The following SMOC1 variants were observed in gnomAD, a reference collection of about 807,000 sequenced individuals.
SMOC1 encodes the protein SPARC-related modular calcium-binding protein 1.
SMOC1 carries 22 observed loss-of-function variants against 56.3 expected under a neutral mutation model. The observed-to-expected ratio is 0.39, with a 90% CI of 0.28 to 0.56. The LOEUF is 0.56. SMOC1 is among the 20% of genes least tolerant of loss of function. The pLI is 0.61. For synonymous variants in SMOC1, 193 were observed against 215.0 expected, an observed-to-expected ratio of 0.90 and a Z score of 0.89; for missense variants, 509 against 565.4, an observed-to-expected ratio of 0.90 and a Z score of 1.01.
chr14:69,990,811 A>G (rs571303873), intron 5 of SMOC1, among the ~76,000 whole-genome samples: 1 of 152,302 alleles, frequency 6.6e-6, no homozygotes, highest in East Asian at 1.9e-4. Context: ...TGATTGTCAG[A>G]TAATTCAGGA....
chr14:69,917,201 T>C (rs1352256448), intron 1 of SMOC1, among the ~76,000 whole-genome samples: 1 of 152,240 alleles, frequency 6.6e-6, no homozygotes, highest in Non-Finnish European at 1.5e-5. Flanking sequence ...CACTTTGCAA[T>C]AGCAGAATGT....
At chr14:69,905,300 G>T (rs969410992) in intron 1 of SMOC1, among the ~76,000 whole-genome samples, 4 of 151,972 alleles carry the variant, frequency 2.6e-5, no homozygotes, top group Admixed American at 2.6e-4. Flanking sequence ...CAGAGGGAAC[G>T]CATGTGCAAA....
chr14:69,951,132 A>G (rs750216159), intron 1 of SMOC1, among the ~76,000 whole-genome samples: 24 of 152,168 alleles, frequency 1.6e-4, no homozygotes, highest in Non-Finnish European at 3.1e-4. Context: ...CTTCCTCATA[A>G]TATGGTGGTC....
chr14:69,912,567 C>T (rs979960521), intron 1 of SMOC1, among the ~76,000 whole-genome samples: 5 of 152,180 alleles, frequency 3.3e-5, no homozygotes, highest in African/African-American at 1.2e-4. Context: ...CATAATTATA[C>T]ATCATTCACA....
intron 3 of SMOC1, among the ~76,000 whole-genome samples, chr14:69,954,288 T>C (rs1352184000): frequency 1.3e-5 from 2 of 152,104 alleles, no homozygotes; most frequent in African/African-American, 4.8e-5. Context: ...AAGCAATCCT[T>C]CCACCCACAC....
intron 7 of SMOC1, among the ~76,000 whole-genome samples, chr14:69,997,563 T>C (rs983759208): frequency 2.0e-5 from 3 of 152,186 alleles, no homozygotes; most frequent in African/African-American, 7.2e-5. Context: ...CCTTGCAGGA[T>C]TTCTTTGTGA....
chr14:70,027,939 A>G (rs1410998185), intron 11 of SMOC1, among the ~76,000 whole-genome samples: 1 of 152,152 alleles, frequency 6.6e-6, no homozygotes, highest in Non-Finnish European at 1.5e-5. Context: ...AATGGTGTGC[A>G]GGGGCTCCGG....
At chr14:70,003,088 C>T (rs1885026949) in intron 7 of SMOC1, among the ~76,000 whole-genome samples, 1 of 152,178 alleles carries the variant, frequency 6.6e-6, no homozygotes, top group Admixed American at 6.5e-5. Flanking sequence ...CATGTGGTTT[C>T]TTATGCCTCT....
intron 11 of SMOC1, among the ~76,000 whole-genome samples, chr14:70,024,414 T>G (rs1885848676): frequency 6.6e-6 from 1 of 152,116 alleles, no homozygotes; most frequent in Non-Finnish European, 1.5e-5. Flanking sequence ...TAAGAATGAT[T>G]TTTGCATTTG....
chr14:69,896,802 C>T (rs752471747), intron 1 of SMOC1, among the ~76,000 whole-genome samples: 2 of 152,204 alleles, frequency 1.3e-5, no homozygotes, highest in Non-Finnish European at 1.5e-5. Context: ...GCTTCTCTTC[C>T]AGGCAACTGG....
intron 7 of SMOC1, among the ~76,000 whole-genome samples, chr14:69,995,167 G>C (rs188468888): frequency 6.6e-6 from 1 of 152,312 alleles, no homozygotes; most frequent in Non-Finnish European, 1.5e-5. Context: ...ATTTATGCCT[G>C]GTTGTTGAAT....
At chr14:69,898,375 C>T (rs1206111103) in intron 1 of SMOC1, among the ~76,000 whole-genome samples, 12 of 152,070 alleles carry the variant, frequency 7.9e-5, no homozygotes, top group Admixed American at 7.9e-4. Flanking sequence ...AATAATTCTT[C>T]TGTTTCTTCC....
intron 11 of SMOC1, 28 bp from the exon 12 acceptor site, chr14:70,030,214 T>C: frequency 1.2e-6 from 2 of 1,605,360 alleles, no homozygotes; most frequent in Non-Finnish European, 8.5e-7. Context: ...TTTTTTTTTT[T>C]TTTTTGCATT....
chr14:69,956,774 G>A (rs1017685449), intron 3 of SMOC1, among the ~76,000 whole-genome samples: 3 of 152,080 alleles, frequency 2.0e-5, no homozygotes, highest in African/African-American at 4.8e-5. Context: ...CTCACACACA[G>A]GAGTGGTTCA....
At chr14:69,959,449 A>T (rs986991248) in intron 3 of SMOC1, among the ~76,000 whole-genome samples, 4 of 152,212 alleles carry the variant, frequency 2.6e-5, no homozygotes, top group Non-Finnish European at 4.4e-5. Context: ...GACAGATTAT[A>T]GTTCTAATAA....
chr14:70,012,333 G>T (rs1885369524), intron 9 of SMOC1, among the ~76,000 whole-genome samples: 1 of 152,224 alleles, frequency 6.6e-6, no homozygotes, highest in East Asian at 1.9e-4. Flanking sequence ...CAACAAATGT[G>T]AATTGAGATT....
At chr14:70,008,983 TTCTG>T (rs1043696921) in intron 7 of SMOC1, among the ~76,000 whole-genome samples, 2 of 152,182 alleles carry the variant, frequency 1.3e-5, no homozygotes, top group African/African-American at 4.8e-5. Context: ...CCTGCTCAGT[TTCTG>T]TCTCTTTCCT....
chr14:69,977,847 C>A, intron 4 of SMOC1, 71 bp from the exon 5 acceptor site: 2 of 1,302,112 alleles, frequency 1.5e-6, no homozygotes, highest in South Asian at 1.2e-5. Flanking sequence ...TCAGGTTTTG[C>A]CAACTCTTAG....
rs572653180 is a variant in SMOC1 at position 70,031,126 on chromosome 14, T to C, written c.*868T>C. 5 of 152,292 alleles carry C rather than the reference T, an allele frequency of 3.3e-5. No homozygotes were observed. The highest frequency in any genetic ancestry group is 3.3e-4 in the Admixed American group (5 of 15,294). The allele number at this position is 152,292 out of a possible 1,614,324, so 9.4% of individuals were successfully genotyped here. On this transcript the variant is annotated 3_prime_UTR_variant, in exon 12 of 12. Coordinates refer to ENST00000361956, the MANE Select transcript of SMOC1 (RefSeq NM_001034852.3). ...ACGTCACTCGAAACGTTTTCATCCA[T>C]GCTTAGCATCTACTCTGTATAACGC...
Sources: gnomAD v4.1 joint callset for allele counts (sites outside exome capture counted in the v4.1 genomes callset) on GRCh38, gnomAD v4.1.1 for gene constraint, MANE v1.5 for transcripts, NCBI Gene and HGNC (gene_info 2026-07-23, HGNC 2026-07-21) for gene names.